The following PCDHA9 variants were observed in gnomAD, a reference collection of about 807,000 sequenced individuals.
PCDHA9 encodes protocadherin alpha 9, also known as protocadherin alpha-9.
Under a neutral mutation model 62.0 loss-of-function variants are expected in PCDHA9, and 62 were observed. The ratio of observed to expected loss-of-function variants is 1.00; its 90% CI spans 0.81 to 1.23. The LOEUF is 1.23. PCDHA9 is among the 50% of genes most tolerant of loss of function. PCDHA9 has a pLI of 0.00. For synonymous variants in PCDHA9, 557 were observed against 567.6 expected (o/e 0.98, Z 0.27); for missense variants, 1,205 against 1,249.8 (o/e 0.96, Z 0.54).
chr5:140,851,507 AAT>A, intron 1 of PCDHA9: 1 of 903,816 alleles, frequency 1.1e-6, no homozygotes, highest in Non-Finnish European at 1.3e-6. Flanking sequence ...ACTTATATAA[AAT>A]ATGTTTTAAA....
intron 3 of PCDHA9, among the ~76,000 whole-genome samples, chr5:140,998,973 G>A (rs572810777): frequency 1.3e-5 from 2 of 152,352 alleles, no homozygotes; most frequent in African/African-American, 2.4e-5. Flanking sequence ...TAGTATCCTA[G>A]AAAATAGTAG....
intron 1 of PCDHA9, among the ~76,000 whole-genome samples, chr5:140,936,741 C>T (rs1234099505): frequency 3.3e-5 from 5 of 152,138 alleles, no homozygotes; most frequent in African/African-American, 1.2e-4. Flanking sequence ...AGTAACTTTT[C>T]ATTTGTATTG....
chr5:140,992,460 G>T (rs1554252924), intron 3 of PCDHA9, among the ~76,000 whole-genome samples: 1 of 152,170 alleles, frequency 6.6e-6, no homozygotes, highest in African/African-American at 2.4e-5. Context: ...GCAGAGGACA[G>T]TACTCTTTAG....
rs782537686 is a variant in PCDHA9, at chr5:140,967,852, C to T, written c.2395-11097C>T. 13 of 1,614,142 alleles carry T rather than the reference C, an allele frequency of 8.1e-6. No homozygotes were observed. The Middle Eastern group carries it at 1.2e-3, about 143-fold the overall frequency. On this transcript the variant is annotated intron_variant, in intron 1 of 3. Transcript: ENST00000532602. ...ACATCGTGGACGTGAATGACAATGC[C>T]CCAGAGGTGGTGCTCACGGACCTGT...
At chr5:141,007,395 C>CAAAAA (rs35800918) in intron 3 of PCDHA9, among the ~76,000 whole-genome samples, 20 of 94,830 alleles carry the variant, frequency 2.1e-4, no homozygotes, top group South Asian at 3.5e-4. Context: ...TACTAAAATA[C>CAAAAA]AAAAAAAAAA....
intron 1 of PCDHA9, chr5:140,870,717 T>G: frequency 6.2e-7 from 1 of 1,613,180 alleles, no homozygotes. Flanking sequence ...GCGCGCGCGA[T>G]GCGGGCGTGC....
chr5:140,988,862 T>G (rs1554250483), intron 3 of PCDHA9: 2 of 152,218 alleles, frequency 1.3e-5, no homozygotes, highest in Non-Finnish European at 1.5e-5. Flanking sequence ...CAGTCTCATG[T>G]GCACTCAGAT....
chr5:140,869,381 A>G, intron 1 of PCDHA9: 2 of 1,614,128 alleles, frequency 1.2e-6, no homozygotes, highest in South Asian at 1.1e-5. Flanking sequence ...ATCGACCGCG[A>G]GGAGCTGTGC....
chr5:140,885,310 G>T (rs1554182115), intron 1 of PCDHA9, among the ~76,000 whole-genome samples: 1 of 152,038 alleles, frequency 6.6e-6, no homozygotes. Context: ...TAGGCTTTTT[G>T]TTATTATTTC....
intron 1 of PCDHA9, chr5:140,968,608 T>C: frequency 6.2e-7 from 1 of 1,614,242 alleles, no homozygotes; most frequent in South Asian, 1.1e-5. Context: ...ACTCAGACTC[T>C]GGGCAAAATG....
At chr5:140,968,580 C>T (rs782395602) in intron 1 of PCDHA9, 1 of 1,614,218 alleles carries the variant, frequency 6.2e-7, no homozygotes, top group Admixed American at 1.7e-5. Context: ...TACCTGGTCA[C>T]CAAAGTCATA....
intron 1 of PCDHA9, among the ~76,000 whole-genome samples, chr5:140,961,885 C>G (rs2095640261): frequency 6.7e-6 from 1 of 149,548 alleles, no homozygotes. Context: ...TTACTTACAT[C>G]AGTTTTTTTT....
At chr5:140,986,583 T>C (rs1265983211) in intron 3 of PCDHA9, among the ~76,000 whole-genome samples, 1 of 152,170 alleles carries the variant, frequency 6.6e-6, no homozygotes, top group African/African-American at 2.4e-5. Flanking sequence ...TTTTTCCAGC[T>C]CCTCTTTCTA....
At chr5:140,898,150 G>A (rs373714901) in intron 1 of PCDHA9, among the ~76,000 whole-genome samples, 6 of 152,198 alleles carry the variant, frequency 3.9e-5, no homozygotes, top group African/African-American at 9.6e-5. Flanking sequence ...GCCTGTTCAC[G>A]CTGATGGTGG....
intron 1 of PCDHA9, chr5:140,883,519 C>A: frequency 6.2e-7 from 1 of 1,614,190 alleles, no homozygotes; most frequent in Non-Finnish European, 8.5e-7. Flanking sequence ...ACCGCGAGAG[C>A]GTATCAGCCT....
At chr5:140,964,015 A>G (rs1466689123) in intron 1 of PCDHA9, among the ~76,000 whole-genome samples, 1 of 152,178 alleles carries the variant, frequency 6.6e-6, no homozygotes. Context: ...TTTAATAGAG[A>G]GCTCTTGAAG....
At chr5:140,867,122 T>C (rs2049769007) in intron 1 of PCDHA9, 1 of 152,160 alleles carries the variant, frequency 6.6e-6, no homozygotes. Context: ...TTGTTTTAAT[T>C]CAAATATGTG....
At position 140,849,783 on chromosome 5, in the gene PCDHA9, G is replaced by C. The variant is rs2150449806; in HGVS notation, c.1288G>C (p.Gly430Arg). ...CGAGCTGGTGGTTACCGCGCGGGAC[G>C]GGGGCTCGCCTTCACTGTGGGCCAC... ...AYELVVTARDGGSPSLWATAR... is the reference protein window; with the variant it reads ...AYELVVTARDRGSPSLWATAR... The change falls in exon 1 of 4, where the codon GGG becomes CGG. Residue 430 changes from glycine to arginine, a missense_variant. Transcript: ENST00000532602. 832,668 of 1,597,604 alleles carry C rather than the reference G, an allele frequency of 0.52. 253,297 individuals carry two copies. The highest frequency in any genetic ancestry group is 0.62 in the South Asian group (55,951 of 90,512).
chr5:141,010,052 A>G lies in PCDHA9; in HGVS notation c.*115A>G. The stretch of plus-strand genomic sequence containing the variant: ...CTACATGAGCCCTCTTAGAGACCTC[A>G]GAAATCTGCAGAAAGTTCCCTGTGT... On this transcript the variant is annotated 3_prime_UTR_variant, in exon 4 of 4. Coordinates refer to ENST00000532602, the MANE Select transcript of PCDHA9 (RefSeq NM_031857.2). The G allele has an allele frequency of 1.3e-6, 2 of 1,598,970 alleles. No homozygotes were observed. Among genetic ancestry groups the G allele is most frequent in the Non-Finnish European group, 1.7e-6 (2 of 1,172,814 alleles).
Sources: gnomAD v4.1 joint callset for allele counts (sites outside exome capture counted in the v4.1 genomes callset) on GRCh38, gnomAD v4.1.1 for gene constraint, MANE v1.5 for transcripts, NCBI Gene and HGNC (gene_info 2026-07-23, HGNC 2026-07-21) for gene names.